IL1RAPL2: variants seen among roughly 807,000 people sequenced by gnomAD.
IL1RAPL2 encodes interleukin 1 receptor accessory protein like 2, also known as X-linked interleukin-1 receptor accessory protein-like 2.
A neutral mutation model predicts 44.1 loss-of-function variants in IL1RAPL2; 3 were observed. The observed-to-expected ratio is 0.07, with a 90% CI of 0.03 to 0.18. The LOEUF (loss-of-function observed/expected upper bound fraction) is 0.18, where lower values mean the gene tolerates loss of function less well. IL1RAPL2 is among the 10% of genes least tolerant of loss of function. The pLI is 1.00. For synonymous variants in IL1RAPL2, 181 were observed against 178.8 expected (o/e 1.01, Z -0.10); for missense variants, 391 against 496.4 (o/e 0.79, Z 2.02).
At chrX:105,358,143 G>A (rs2035218511) in intron 5 of IL1RAPL2, among the ~76,000 whole-genome samples, 1 of 109,698 alleles carries the variant, frequency 9.1e-6, no homozygotes, top group Non-Finnish European at 1.9e-5. Context: ...AGAGGTTTAG[G>A]CAAGTGGTAA....
At chrX:104,665,476 T>C (rs1307638631) in intron 2 of IL1RAPL2, among the ~76,000 whole-genome samples, 1 of 111,093 alleles carries the variant, frequency 9.0e-6, no homozygotes, top group Non-Finnish European at 1.9e-5. Flanking sequence ...TCATGCTTAA[T>C]GAAATTTAAA....
chrX:105,545,192 A>C (rs186529774), intron 6 of IL1RAPL2, among the ~76,000 whole-genome samples: 114 of 112,030 alleles, frequency 1.0e-3, no homozygotes, highest in African/African-American at 3.6e-3. Context: ...ATCTGGTGTC[A>C]TTTCCTTTCA....
intron 6 of IL1RAPL2, among the ~76,000 whole-genome samples, chrX:105,642,471 AC>A (rs1404795300): frequency 1.8e-5 from 2 of 111,866 alleles, no homozygotes; most frequent in East Asian, 2.8e-4. Context: ...CTTTTAATCA[AC>A]CTGAAGTCTT....
chrX:104,849,925 T>C (rs1301847853), intron 2 of IL1RAPL2, among the ~76,000 whole-genome samples: 2 of 111,137 alleles, frequency 1.8e-5, no homozygotes, highest in Non-Finnish European at 3.8e-5. Context: ...GCCAGGTTTT[T>C]CCAACTAGAT....
At chrX:105,529,015 T>A (rs777931793) in intron 6 of IL1RAPL2, among the ~76,000 whole-genome samples, 14 of 111,861 alleles carry the variant, frequency 1.3e-4, no homozygotes, top group African/African-American at 3.9e-4. Context: ...AAATAAAAAT[T>A]TGTATAAATT....
At chrX:105,176,480 T>G (rs994675015) in intron 2 of IL1RAPL2, among the ~76,000 whole-genome samples, 1 of 110,676 alleles carries the variant, frequency 9.0e-6, no homozygotes, top group Non-Finnish European at 1.9e-5. Flanking sequence ...CCCCCAGTCC[T>G]GGCCCCGAGA....
At chrX:105,368,582 A>G (rs2035313275) in intron 5 of IL1RAPL2, among the ~76,000 whole-genome samples, 1 of 111,607 alleles carries the variant, frequency 9.0e-6, no homozygotes, top group South Asian at 3.7e-4. Context: ...GTATATAACA[A>G]TTCACTTTTT....
At chrX:105,673,536 T>C (rs1444602712) in intron 6 of IL1RAPL2, among the ~76,000 whole-genome samples, 2 of 112,114 alleles carry the variant, frequency 1.8e-5, no homozygotes, top group Admixed American at 9.5e-5. Flanking sequence ...CCATGGTATA[T>C]ATATACCACA....
intron 2 of IL1RAPL2, among the ~76,000 whole-genome samples, chrX:104,670,875 A>G (rs995865146): frequency 1.8e-5 from 2 of 111,575 alleles, no homozygotes; most frequent in Non-Finnish European, 3.8e-5. Flanking sequence ...TTATAGATGT[A>G]CAGCAATTTC....
chrX:105,601,388 A>G (rs892930044), intron 6 of IL1RAPL2, among the ~76,000 whole-genome samples: 8 of 111,458 alleles, frequency 7.2e-5, no homozygotes, highest in African/African-American at 2.3e-4. Flanking sequence ...GTGAGAGTAC[A>G]CTGGAATTCA....
chrX:105,160,217 G>A (rs1042013226), intron 2 of IL1RAPL2, among the ~76,000 whole-genome samples: 11 of 110,296 alleles, frequency 1.0e-4, no homozygotes, highest in South Asian at 3.9e-4. Context: ...TTTGCAGTCC[G>A]TTTACGGGTG....
intron 2 of IL1RAPL2, among the ~76,000 whole-genome samples, chrX:105,005,259 G>C (rs909634159): frequency 3.6e-5 from 4 of 111,290 alleles, no homozygotes; most frequent in Non-Finnish European, 7.6e-5. Context: ...ACAATGCTTC[G>C]TATAGGGTAG....
intron 6 of IL1RAPL2, among the ~76,000 whole-genome samples, chrX:105,652,291 A>G (rs1012668985): frequency 2.7e-5 from 3 of 111,117 alleles, no homozygotes; most frequent in East Asian, 2.8e-4. Flanking sequence ...TAATTCATCA[A>G]CCTCACACTC....
intron 2 of IL1RAPL2, among the ~76,000 whole-genome samples, chrX:104,967,128 T>C (rs1251566606): frequency 8.9e-6 from 1 of 111,776 alleles, no homozygotes; most frequent in Non-Finnish European, 1.9e-5. Context: ...CAAGAACATA[T>C]GGGATATTTA....
chrX:105,767,613 G>T lies in IL1RAPL2; in HGVS notation c.2013G>T (p.Leu671Phe). 1 of 1,210,745 alleles carries T rather than the reference G, an allele frequency of 8.3e-7. No individual in the cohort carries two copies. Among genetic ancestry groups the T allele is most frequent in the South Asian group, 1.8e-5 (1 of 56,950 alleles). ...AGGAATTTCACAGGAACAGTTCTTT[G>T]CTGCCTTTATCCTCCAAAGAGCTTA... ...DTQEFHRNSS[L>F]LPLSSKELSF... Residue 671 changes from leucine (L) to phenylalanine (F), a missense_variant, in exon 11 of 11, where the codon TTG becomes TTT. Physicochemically the swap from Leu to Phe is conservative, Grantham distance 22. Coordinates refer to ENST00000372582, the MANE Select transcript of IL1RAPL2 (RefSeq NM_017416.2).
chrX:104,880,802 T>G (rs907970236), intron 2 of IL1RAPL2, among the ~76,000 whole-genome samples: 8 of 112,150 alleles, frequency 7.1e-5, no homozygotes, highest in Admixed American at 1.9e-4. Context: ...AACTATACCT[T>G]TCTGTTTTCC....
intron 1 of IL1RAPL2, among the ~76,000 whole-genome samples, chrX:104,611,083 G>A (rs1929146188): frequency 9.0e-6 from 1 of 111,599 alleles, no homozygotes; most frequent in African/African-American, 3.3e-5. Flanking sequence ...TCCTGTATGG[G>A]GTGTCTGTCA....
chrX:105,190,561 A>G (rs2033624614), intron 2 of IL1RAPL2, among the ~76,000 whole-genome samples: 1 of 112,158 alleles, frequency 8.9e-6, no homozygotes, highest in Admixed American at 9.5e-5. Context: ...GAATTTGTTA[A>G]TCACAAACAC....
chrX:105,068,500 G>C (rs753961828), intron 2 of IL1RAPL2, among the ~76,000 whole-genome samples: 7 of 111,792 alleles, frequency 6.3e-5, no homozygotes, highest in Non-Finnish European at 1.1e-4. Flanking sequence ...CTATAAATAT[G>C]TTAAGAACTA....
Sources: allele counts gnomAD v4.1 joint callset (sites outside exome capture counted in the v4.1 genomes callset), GRCh38; gene constraint gnomAD v4.1.1; transcripts MANE v1.5; gene names NCBI Gene and HGNC (gene_info 2026-07-23, HGNC 2026-07-21).